Variants in ECD observed in about 807,000 individuals in gnomAD.
The protein encoded by ECD is ecdysoneless cell cycle regulator, also known as protein ecdysoneless homolog.
In ECD, 59 loss-of-function variants were observed where a neutral mutation model predicts 77.2. That is an observed-to-expected ratio of 0.76 (90% CI 0.62 to 0.95). ECD has a LOEUF of 0.95. Ranked by LOEUF, ECD falls within the 40% of genes least tolerant of loss-of-function variation. The pLI, the probability that ECD is intolerant of heterozygous loss-of-function variation, is 0.00. For missense variants in ECD, 704 were observed against 763.4 expected, an observed-to-expected ratio of 0.92 and a Z score of 0.92; for synonymous variants, 233 against 267.4, an observed-to-expected ratio of 0.87 and a Z score of 1.26.
Position 73,163,982 on chromosome 10 carries a change from T to C in ECD, c.-13-32A>G, listed in dbSNP as rs755993047. The C allele has an allele frequency of 3.2e-6, 5 of 1,575,870 alleles. No homozygotes were observed. In the East Asian group the frequency reaches 9.0e-5, roughly 28 times the overall value. ...TTAAAGTTCCAAAATATAAACCACA[T>C]AGAACAATGCAGAAGTAACATCTGA... On this transcript the variant is annotated intron_variant, in intron 1 of 13. Coordinates refer to ENST00000372979, the MANE Select transcript of ECD (RefSeq NM_007265.3).
rs930420151 is a variant in ECD, at chr10:73,150,324, T to G, written c.913-1920A>C. 2.6e-3 allele frequency among the ~76,000 whole-genome samples: 398 copies of G among 152,294 alleles called. 1 individual carries two copies. Among genetic ancestry groups the G allele is most frequent in the African/African-American group, 9.0e-3 (372 of 41,562 alleles). ...GCTGGGAAAACTGGCTAGCCATATG[T>G]AGAAAGCTGAAACTGGATCCCTTCC... is the stretch of plus-strand genomic sequence containing the variant. On this transcript the variant is annotated intron_variant, in intron 7 of 13. Transcript: ENST00000372979.
At position 73,160,639 on chromosome 10, in the gene ECD, C is replaced by A. The variant is rs192217291; in HGVS notation, c.206-88G>T. On this transcript the variant is annotated intron_variant, in intron 2 of 13. Coordinates refer to ENST00000372979, the MANE Select transcript of ECD (RefSeq NM_007265.3). ...ATAATCATTCAACTGAATACACATTCATTGACTGATTGCTCTAAGTACTGG... is the reference window on the plus strand; with the variant it reads ...ATAATCATTCAACTGAATACACATTAATTGACTGATTGCTCTAAGTACTGG... 231 of 938,312 alleles carry A rather than the reference C, an allele frequency of 2.5e-4. No homozygotes were observed. In the African/African-American group the frequency reaches 3.2e-3, roughly 13 times the overall value. The allele number at this position is 938,312 out of a possible 1,614,324, so 58.1% of individuals were successfully genotyped here.
At position 73,139,412 on chromosome 10, in the gene ECD, A is replaced by T. The variant is rs1843021336; in HGVS notation, c.1318T>A (p.Ser440Thr). Residue 440 changes from serine (S) to threonine (T), a missense_variant, in exon 11 of 14, where the codon TCC becomes ACC. Ser to Thr is a moderately conservative substitution (Grantham distance 58, BLOSUM62 1). Around this residue, in one of 3 missense-constraint regions of ECD, gnomAD observed 559 missense variants for 583.7 expected, o/e 0.96. Coordinates refer to ENST00000372979, the MANE Select transcript of ECD (RefSeq NM_007265.3). ...TAGTTCTGCTCCTTCTCCTCCTTGG[A>T]AACAGACTCGGATTCTTTTTTGCCA... ...AVGKKESESVSKEEKEQNYDL... is the reference protein window; with the variant it reads ...AVGKKESESVTKEEKEQNYDL... 1 of 1,614,146 alleles carries T rather than the reference A, an allele frequency of 6.2e-7. No individual in the cohort carries two copies. Among genetic ancestry groups the T allele is most frequent in the Non-Finnish European group, 8.5e-7 (1 of 1,180,038 alleles).
At chr10:73,142,175 T>C (rs1164683006) in intron 9 of ECD, among the ~76,000 whole-genome samples, 1 of 151,968 alleles carries the variant, frequency 6.6e-6, no homozygotes, top group Non-Finnish European at 1.5e-5. Flanking sequence ...ATCCGGCTAA[T>C]TTTTTGTATT....
chr10:73,135,116 A>G (rs1407713313), intron 13 of ECD, among the ~76,000 whole-genome samples: 1 of 152,244 alleles, frequency 6.6e-6, no homozygotes, highest in African/African-American at 2.4e-5. Flanking sequence ...AGGTACATTT[A>G]TAACTTGTCT....
At chr10:73,155,748 T>G (rs1207836171) in intron 5 of ECD, among the ~76,000 whole-genome samples, 1 of 151,734 alleles carries the variant, frequency 6.6e-6, no homozygotes, top group African/African-American at 2.4e-5. Context: ...TACAGGCACC[T>G]GCCACCACGC....
At position 73,156,350 on chromosome 10, in the gene ECD, T is replaced by G; in HGVS notation, c.515A>C (p.Asn172Thr). ...TTTTTCTGAATGTGCTGTGATTATA[T>G]TCAATGCTTGTGGAATTGTTGGGGG... is the stretch of plus-strand genomic sequence containing the variant. Reference protein sequence around the residue: ...TTPPTIPQALNIITAHSEKIL... With the variant: ...TTPPTIPQALTIITAHSEKIL... The change falls in exon 5 of 14, where the codon AAT (asparagine) becomes ACT (threonine). Residue 172 changes from asparagine to threonine, a missense_variant. This residue lies in a region of ECD where 559 missense variants were observed against 583.7 expected (regional missense o/e 0.96). Coordinates refer to ENST00000372979, the MANE Select transcript of ECD (RefSeq NM_007265.3). 1 of 1,614,002 alleles carries G rather than the reference T, an allele frequency of 6.2e-7. No individual in the cohort carries two copies. Among genetic ancestry groups the G allele is most frequent in the Non-Finnish European group, 8.5e-7 (1 of 1,179,996 alleles).
chr10:73,143,785 A>AT (rs11306116), intron 9 of ECD, among the ~76,000 whole-genome samples: 19 of 118,956 alleles, frequency 1.6e-4, no homozygotes, highest in African/African-American at 5.8e-4. Context: ...CATTCGTTCT[A>AT]TTTTTTTTTT....
rs921881584 is a variant in ECD, at chr10:73,144,354, G to C, written c.1127+1922C>G. 2.6e-5 allele frequency among the ~76,000 whole-genome samples: 4 copies of C among 152,114 alleles called. No homozygotes were observed. In the East Asian group the frequency reaches 7.7e-4, roughly 29 times the overall value. ...GCAGAATAATGGCTGGCTGGGTGCA[G>C]TGGCTCACACTTGTAATCCCAGAAC... On this transcript the variant is annotated intron_variant, in intron 9 of 13. Coordinates refer to ENST00000372979, the MANE Select transcript of ECD (RefSeq NM_007265.3).
At chr10:73,151,369 G>A (rs1342500880) in intron 7 of ECD, among the ~76,000 whole-genome samples, 1 of 122,486 alleles carries the variant, frequency 8.2e-6, no homozygotes, top group East Asian at 2.9e-4. Context: ...ACACACCGGG[G>A]CCTGTTGTGG....
chr10:73,141,339 T>TAAAAAC (rs1843054028), intron 9 of ECD: 1 of 94,916 alleles, frequency 1.1e-5, no homozygotes, highest in Non-Finnish European at 2.1e-5. Context: ...CCGTCTCTAC[T>TAAAAAC]AAAAAAAAAA....
At chr10:73,160,579 A>T (rs1843362920) in intron 2 of ECD, 28 bp from the exon 3 acceptor site, 2 of 1,513,154 alleles carry the variant, frequency 1.3e-6, no homozygotes, top group African/African-American at 2.8e-5. Flanking sequence ...GCAACCATGT[A>T]ACCAGATAAA....
At chr10:73,155,136 C>T (rs1843278959) in intron 5 of ECD, among the ~76,000 whole-genome samples, 1 of 151,922 alleles carries the variant, frequency 6.6e-6, no homozygotes, top group African/African-American at 2.4e-5. Flanking sequence ...GTAACCTCCA[C>T]CTCCCTGCAA....
chr10:73,144,285 T>C (rs1564661663), intron 9 of ECD, among the ~76,000 whole-genome samples: 1 of 152,180 alleles, frequency 6.6e-6, no homozygotes, highest in Non-Finnish European at 1.5e-5. Flanking sequence ...GTCTATGATA[T>C]TATACGTAGG....
At position 73,152,785 on chromosome 10, in the gene ECD, G is replaced by A. The variant is rs190707032; in HGVS notation, c.784-364C>T. On this transcript the variant is annotated intron_variant, in intron 6 of 13. Transcript: ENST00000372979. Reference sequence around the variant, plus strand: ...AAATAAGCCAGGCATGGTGGCGCACGCCTCTAATCCCAGCTACTCGGGAGG... The same window carrying A: ...AAATAAGCCAGGCATGGTGGCGCACACCTCTAATCCCAGCTACTCGGGAGG... Among the ~76,000 whole-genome samples the A allele has an allele frequency of 2.2e-3, 333 of 152,090 alleles. 8 individuals carry two copies. In the East Asian group the frequency reaches 0.055, roughly 25 times the overall value.
intron 8 of ECD, among the ~76,000 whole-genome samples, chr10:73,147,067 G>A (rs185181249): frequency 1.1e-3 from 160 of 150,564 alleles, no homozygotes; most frequent in Middle Eastern, 7.0e-3. Flanking sequence ...GCAAGACTTC[G>A]ACTCTACTAA....
chr10:73,139,758 G>T (rs1589679914), intron 9 of ECD, 21 bp from the exon 10 acceptor site: 1 of 1,487,400 alleles, frequency 6.7e-7, no homozygotes. Context: ...TAAAAAACAT[G>T]AGTATTTCTT....
chr10:73,154,485 A>G (rs375617634), intron 5 of ECD, 37 bp from the exon 6 acceptor site: 143 of 1,541,124 alleles, frequency 9.3e-5, no homozygotes, highest in Non-Finnish European at 1.2e-4. Context: ...ATTTTACAGT[A>G]TATAAATACC....
chr10:73,141,360 AAAT>A (rs1312596741), intron 9 of ECD: 1 of 170,370 alleles, frequency 5.9e-6, no homozygotes. Context: ...AAAAAAAAAA[AAAT>A]TAGCTGGGCG....
Sources: allele counts gnomAD v4.1 joint callset (sites outside exome capture counted in the v4.1 genomes callset), GRCh38; gene constraint gnomAD v4.1.1; regional missense constraint gnomAD v4.1.1; transcripts MANE v1.5; gene names NCBI Gene and HGNC (gene_info 2026-07-23, HGNC 2026-07-21).